Variants in RAI14 observed in about 807,000 individuals in gnomAD.
RAI14 encodes retinoic acid induced 14, also known as ankycorbin.
A neutral mutation model predicts 115.4 loss-of-function variants in RAI14; 45 were observed. The ratio of observed to expected loss-of-function variants is 0.39; its 90% CI spans 0.31 to 0.50. The LOEUF (loss-of-function observed/expected upper bound fraction) is 0.50. Ranked by LOEUF, RAI14 falls within the 20% of genes least tolerant of loss-of-function variation. RAI14 has a pLI of 0.85. For missense variants in RAI14, 939 were observed against 1,131.2 expected (o/e 0.83, Z 2.44); for synonymous variants, 371 against 415.4 (o/e 0.89, Z 1.30).
intron 12 of RAI14, among the ~76,000 whole-genome samples, chr5:34,816,177 T>C (rs1756201210): frequency 6.6e-6 from 1 of 152,218 alleles, no homozygotes; most frequent in Non-Finnish European, 1.5e-5. Context: ...AAATGTATAA[T>C]GGCTACATCT....
intron 3 of RAI14, among the ~76,000 whole-genome samples, chr5:34,773,586 G>A (rs1026910990): frequency 4.6e-5 from 7 of 152,018 alleles, no homozygotes; most frequent in Non-Finnish European, 1.0e-4. Flanking sequence ...ATTAAAAAGT[G>A]GGCTAAGGAC....
chr5:34,669,402 G>A lies in RAI14; in HGVS notation c.-49+12927G>A, dbSNP rs188964682. ...CTGTCTCTTGTTTAAACCAACCCCT[G>A]ATTATTTTTAAGTGCATAGTCCCTA... On this transcript the variant is annotated intron_variant, in intron 1 of 17. Transcript: ENST00000265109. 7.8e-4 allele frequency among the ~76,000 whole-genome samples: 119 copies of A among 152,262 alleles called. 1 individual carries two copies. The highest frequency in any genetic ancestry group is 1.4e-3 in the Non-Finnish European group (98 of 68,014).
In RAI14 at chr5:34,795,982, G is replaced by A; in HGVS notation, c.211G>A (p.Val71Ile). 3 of 1,613,268 alleles carry A rather than the reference G, an allele frequency of 1.9e-6. No individual in the cohort carries two copies. The highest frequency in any genetic ancestry group is 2.2e-5 in the South Asian group (2 of 90,992). ...AAAAGGACACGTGGAATGCCTCAGG[G>A]TCATGATTACACATGGTGTGGATGT... ...AAKGHVECLR[V>I]MITHGVDVTA... Residue 71 changes from valine (V) to isoleucine (I), a missense_variant, in exon 4 of 18, where the codon GTC becomes ATC. Transcript: ENST00000265109.
rs1436231912 is a variant in RAI14 at position 34,824,395 on chromosome 5, A to G, written c.2553A>G (p.Glu851=). The G allele has an allele frequency of 6.2e-7, 1 of 1,609,992 alleles. No individual in the cohort carries two copies. ...AATCCAAAGAGCAAGAAGTAAATGA[A>G]CTTCTGCAAAAATTCCAGCAAGCTC... The part of the protein sequence containing the change: ...LLKSKEQEVN[E]LLQKFQQAQE... Residue 851 remains glutamate, a synonymous_variant, in exon 15 of 18, where the codon GAA becomes GAG. Coordinates refer to ENST00000265109, the MANE Select transcript of RAI14 (RefSeq NM_015577.3).
At chr5:34,777,600 T>G (rs996878915) in intron 3 of RAI14, among the ~76,000 whole-genome samples, 13 of 152,196 alleles carry the variant, frequency 8.5e-5, no homozygotes, top group South Asian at 8.3e-4. Context: ...ACCAACATGG[T>G]GAAACTCTGT....
At chr5:34,786,226 G>C (rs911164546) in intron 3 of RAI14, among the ~76,000 whole-genome samples, 1 of 152,172 alleles carries the variant, frequency 6.6e-6, no homozygotes, top group East Asian at 1.9e-4. Context: ...GATCTGGGGG[G>C]GTGTATCCTA....
chr5:34,830,104 C>T (rs1757874280), intron 17 of RAI14, among the ~76,000 whole-genome samples: 1 of 152,114 alleles, frequency 6.6e-6, no homozygotes, highest in Non-Finnish European at 1.5e-5. Context: ...CCCACCTTAG[C>T]CTCCCAAGTA....
chr5:34,731,654 G>T (rs760192993), intron 2 of RAI14, among the ~76,000 whole-genome samples: 1 of 151,202 alleles, frequency 6.6e-6, no homozygotes, highest in Non-Finnish European at 1.5e-5. Flanking sequence ...GGAACAAAAA[G>T]AAAAAAAGGT....
At chr5:34,708,140 T>G (rs556763722) in intron 2 of RAI14, among the ~76,000 whole-genome samples, 4 of 152,248 alleles carry the variant, frequency 2.6e-5, no homozygotes, top group East Asian at 3.9e-4. Context: ...AAAGATATAA[T>G]TTAATATACT....
chr5:34,778,094 A>T (rs1751112581), intron 3 of RAI14, among the ~76,000 whole-genome samples: 1 of 152,262 alleles, frequency 6.6e-6, no homozygotes, highest in Non-Finnish European at 1.5e-5. Context: ...TATGCATGTA[A>T]CAAATATTCA....
chr5:34,771,814 G>A (rs1750199788), intron 3 of RAI14, among the ~76,000 whole-genome samples: 2 of 152,090 alleles, frequency 1.3e-5, no homozygotes, highest in African/African-American at 4.8e-5. Context: ...TTGCTTTTTT[G>A]CCAAATACTT....
At chr5:34,722,898 C>T (rs936850698) in intron 2 of RAI14, among the ~76,000 whole-genome samples, 1 of 151,494 alleles carries the variant, frequency 6.6e-6, no homozygotes, top group Non-Finnish European at 1.5e-5. Flanking sequence ...GGTGAAACCC[C>T]GTTTCTACTA....
At chr5:34,696,221 C>T (rs1255805645) in intron 2 of RAI14, among the ~76,000 whole-genome samples, 3 of 152,116 alleles carry the variant, frequency 2.0e-5, no homozygotes, top group African/African-American at 4.8e-5. Flanking sequence ...TCACTGCAAC[C>T]TCCGCCTCCC....
chr5:34,659,316 G>A (rs1400720184), intron 1 of RAI14, among the ~76,000 whole-genome samples: 1 of 152,184 alleles, frequency 6.6e-6, no homozygotes, highest in African/African-American at 2.4e-5. Context: ...CACCCAGGCT[G>A]GAGTGCAGTA....
At chr5:34,805,842 AAAAC>A (rs930299714) in intron 5 of RAI14, among the ~76,000 whole-genome samples, 11 of 152,128 alleles carry the variant, frequency 7.2e-5, no homozygotes, top group African/African-American at 2.7e-4. Context: ...CTCCATCTCA[AAAAC>A]AAACAAACAA....
chr5:34,730,844 G>T (rs1023533502), intron 2 of RAI14, among the ~76,000 whole-genome samples: 1 of 152,012 alleles, frequency 6.6e-6, no homozygotes, highest in Non-Finnish European at 1.5e-5. Context: ...TTAGCTGGGC[G>T]TGGTGGTGGG....
rs1215390207 is a variant in RAI14, at chr5:34,690,221, AT to A, written c.36+3275del. ...ATTCAGTTGAATGAAGCAAATTATAATTTTTTTTTAACCTGAAATGTGTGGT... is the reference window on the plus strand; with the variant it reads ...ATTCAGTTGAATGAAGCAAATTATAATTTTTTTTAACCTGAAATGTGTGGT... On this transcript the variant is annotated intron_variant, in intron 2 of 17. Transcript: ENST00000265109. 1.1e-4 allele frequency among the ~76,000 whole-genome samples: 16 copies of A among 151,860 alleles called. No individual in the cohort carries two copies. The East Asian group carries it at 2.1e-3, about 20-fold the overall frequency.
In RAI14 at chr5:34,814,595, T is replaced by C; in HGVS notation, c.865T>C (p.Ser289Pro). The C allele has an allele frequency of 6.2e-7, 1 of 1,612,912 alleles. No homozygotes were observed. Among genetic ancestry groups the C allele is most frequent in the Non-Finnish European group, 8.5e-7 (1 of 1,178,984 alleles). ...PISPTQLSDV[S>P]SPRSITSTPL... ...GTTTCTTTTTTAGTTGAGTGATGTC[T>C]CTTCCCCAAGATCAATAACTTCGAC... Residue 289 changes from serine to proline, a missense_variant, in exon 12 of 18, where the codon TCT (serine) becomes CCT (proline). Physicochemically the swap from Ser to Pro is moderately conservative, Grantham distance 74. Transcript: ENST00000265109.
intron 15 of RAI14, 21 bp downstream of exon 15, chr5:34,824,512 G>A: frequency 1.3e-6 from 2 of 1,521,436 alleles, no homozygotes; most frequent in Non-Finnish European, 1.8e-6. Flanking sequence ...CTGTATTGCT[G>A]TTGGGTTTCT....
Sources: gnomAD v4.1 joint callset for allele counts (sites outside exome capture counted in the v4.1 genomes callset) on GRCh38, gnomAD v4.1.1 for gene constraint, MANE v1.5 for transcripts, NCBI Gene and HGNC (gene_info 2026-07-23, HGNC 2026-07-21) for gene names.